Variants in EPC1 observed in about 807,000 individuals in gnomAD.
The protein encoded by EPC1 is enhancer of polycomb 1, also known as enhancer of polycomb homolog 1.
EPC1 carries 12 observed loss-of-function variants against 98.4 expected under a neutral mutation model. The observed-to-expected ratio is 0.12, with a 90% CI of 0.08 to 0.20. The LOEUF (loss-of-function observed/expected upper bound fraction) is 0.20, where lower values mean the gene tolerates loss of function less well. Among genes scored for constraint, EPC1 ranks in the 10% least tolerant of loss-of-function variants. The pLI is 1.00. For synonymous variants in EPC1, 357 were observed against 363.9 expected (o/e 0.98, Z 0.21); for missense variants, 729 against 990.5 (o/e 0.74, Z 3.54).
intron 1 of EPC1, among the ~76,000 whole-genome samples, chr10:32,327,984 A>C (rs921683881): frequency 4.4e-4 from 67 of 152,344 alleles, no homozygotes; most frequent in African/African-American, 1.5e-3. Context: ...TATTGCAAGA[A>C]AGAAACAAAT....
chr10:32,347,243 C>G, upstream of EPC1: 8 of 1,190,620 alleles, frequency 6.7e-6, no homozygotes, highest in Non-Finnish European at 8.4e-6. Flanking sequence ...AGCGCGGGCT[C>G]GAGGCCGGCG....
At chr10:32,373,565 T>C (rs1371395628) in intron 1 of EPC1, among the ~76,000 whole-genome samples, 1 of 152,232 alleles carries the variant, frequency 6.6e-6, no homozygotes, top group Non-Finnish European at 1.5e-5. Flanking sequence ...CTGGTTTAGG[T>C]ATAAGCACGT....
At chr10:32,290,984 T>G (rs1639744218) in intron 6 of EPC1, among the ~76,000 whole-genome samples, 179 bp downstream of exon 6, 1 of 151,836 alleles carries the variant, frequency 6.6e-6, no homozygotes, top group Non-Finnish European at 1.5e-5. Context: ...ACCATGTTGG[T>G]CAGGCTGGTC....
rs1171484978 is a variant in EPC1, at chr10:32,271,582, A to G, written c.2341T>C (p.Ser781Pro). ...GGAACTGAATCTACAGAGGATGAAG[A>G]TGGGACCTTGGAAACTTGACAGTTT... is the stretch of plus-strand genomic sequence containing the variant. The part of the protein sequence containing the change: ...AANCQVSKVP[S>P]SSSVDSVPRE... Residue 781 changes from serine to proline, a missense_variant, in exon 13 of 14, where the codon TCT (serine) becomes CCT (proline). Ser to Pro is a moderately conservative substitution (Grantham distance 74). This residue lies in a region of EPC1 where 156 missense variants were observed against 188.9 expected (regional missense o/e 0.83). Coordinates refer to ENST00000319778, the MANE Select transcript of EPC1 (RefSeq NM_001272004.3). The G allele has an allele frequency of 1.2e-6, 2 of 1,614,062 alleles. No homozygotes were observed. The highest frequency in any genetic ancestry group is 1.3e-5 in the African/African-American group (1 of 74,940).
At chr10:32,319,890 G>A (rs1193731815) in intron 1 of EPC1, among the ~76,000 whole-genome samples, 1 of 152,072 alleles carries the variant, frequency 6.6e-6, no homozygotes, top group Admixed American at 6.6e-5. Flanking sequence ...TTTTGGCCAG[G>A]CTGGTCTCGA....
intron 1 of EPC1, among the ~76,000 whole-genome samples, chr10:32,369,184 T>G (rs531354646): frequency 6.6e-6 from 1 of 152,112 alleles, no homozygotes; most frequent in African/African-American, 2.4e-5. Flanking sequence ...TCTGGAAGAG[T>G]TGATTGTTCT....
chr10:32,288,997 G>C (rs1228229882), intron 6 of EPC1, among the ~76,000 whole-genome samples: 1 of 152,094 alleles, frequency 6.6e-6, no homozygotes, highest in African/African-American at 2.4e-5. Flanking sequence ...GCTGAGGCAG[G>C]AGAATCGCTT....
chr10:32,345,884 TGA>T (rs1838745724), intron 1 of EPC1, among the ~76,000 whole-genome samples: 2 of 152,170 alleles, frequency 1.3e-5, no homozygotes, highest in Admixed American at 6.5e-5. Flanking sequence ...CCCCCTATGT[TGA>T]GATACCAGAG....
At chr10:32,327,937 A>G (rs1015161001) in intron 1 of EPC1, among the ~76,000 whole-genome samples, 1 of 152,238 alleles carries the variant, frequency 6.6e-6, no homozygotes, top group Non-Finnish European at 1.5e-5. Context: ...AAACCCTAAC[A>G]TTAAAATGGT....
In EPC1 at chr10:32,312,844, AG is replaced by A. The variant is rs1836326616; in HGVS notation, c.154-6914del. The stretch of plus-strand genomic sequence containing the variant: ...AGTGGGATTTTTTTTTGCTTTCAGT[AG>A]GAAGAAGATGCAAAATGGTAAAGAC... On this transcript the variant is annotated intron_variant, in intron 1 of 13. Coordinates refer to ENST00000319778, the MANE Select transcript of EPC1 (RefSeq NM_001272004.3). 2.6e-5 allele frequency among the ~76,000 whole-genome samples: 4 copies of A among 152,186 alleles called. 1 individual carries two copies. The South Asian group carries it at 8.3e-4, about 31-fold the overall frequency.
chr10:32,286,046 T>C (rs1167493676), intron 9 of EPC1: 2 of 152,222 alleles, frequency 1.3e-5, no homozygotes, highest in African/African-American at 2.4e-5. Context: ...ATCATAAATA[T>C]ACGCTTGGGT....
At position 32,344,843 on chromosome 10, in the gene EPC1, A is replaced by AT. The variant is rs201689095; in HGVS notation, c.153+1919dup. Among the ~76,000 whole-genome samples the AT allele has an allele frequency of 6.8e-3, 1,031 of 152,300 alleles. 15 individuals are homozygous for AT. Among genetic ancestry groups the AT allele is most frequent in the African/African-American group, 0.022 (909 of 41,568 alleles). ...TCAGCGAATAAAAATTACCCGTAAA[A>AT]TTTAACAAGCACTGATACTTCATTG... is the stretch of plus-strand genomic sequence containing the variant. On this transcript the variant is annotated intron_variant, in intron 1 of 13. Coordinates refer to ENST00000319778, the MANE Select transcript of EPC1 (RefSeq NM_001272004.3).
intron 1 of EPC1, among the ~76,000 whole-genome samples, chr10:32,364,913 T>C (rs1839555041): frequency 6.6e-6 from 1 of 151,104 alleles, no homozygotes; most frequent in Non-Finnish European, 1.5e-5. Flanking sequence ...CATGATTTTT[T>C]TTTTTTTTTT....
chr10:32,351,007 C>G (rs532350902), upstream of EPC1, among the ~76,000 whole-genome samples: 91 of 152,180 alleles, frequency 6.0e-4, no homozygotes, highest in African/African-American at 2.0e-3. Flanking sequence ...CCTTTATTTA[C>G]TCATTCCCTC....
Position 32,271,663 on chromosome 10 carries a change from T to C in EPC1, c.2260A>G (p.Ile754Val), listed in dbSNP as rs769582433. ...GGAACAGCACTTAAAGTCCTAGGTA[T>C]ATGTCGTGCATTTATTGGGGCAATA... ...NSIAPINARH[I>V]PRTLSAVPSS... The change falls in exon 13 of 14, where the codon ATA (isoleucine) becomes GTA (valine). Residue 754 changes from isoleucine (I) to valine (V), a missense_variant. Ile to Val is a conservative substitution (Grantham distance 29). Around this residue, in one of 6 missense-constraint regions of EPC1, gnomAD observed 156 missense variants for 188.9 expected, o/e 0.83. Coordinates refer to ENST00000319778, the MANE Select transcript of EPC1 (RefSeq NM_001272004.3). 6.2e-7 allele frequency: 1 copy of C among 1,614,216 alleles called. No individual in the cohort carries two copies. Among genetic ancestry groups the C allele is most frequent in the East Asian group, 2.2e-5 (1 of 44,874 alleles).
intron 1 of EPC1, among the ~76,000 whole-genome samples, chr10:32,334,226 GT>G: frequency 6.6e-6 from 1 of 152,274 alleles, no homozygotes; most frequent in East Asian, 1.9e-4. Flanking sequence ...TGATAGGAAT[GT>G]TTTATAGAGG....
At chr10:32,303,516 A>C (rs1432553420) in intron 2 of EPC1, among the ~76,000 whole-genome samples, 2 of 152,236 alleles carry the variant, frequency 1.3e-5, no homozygotes. Flanking sequence ...CAACTGAATG[A>C]ACCTGTGATA....
rs61315841 is a variant in EPC1, at chr10:32,286,895, T to C, written c.1242+31A>G. 9,767 of 1,609,718 alleles carry C rather than the reference T, an allele frequency of 6.1e-3. 514 individuals are homozygous for C. In the African/African-American group the frequency reaches 0.11, roughly 19 times the overall value. On this transcript the variant is annotated intron_variant, in intron 8 of 13. Transcript: ENST00000319778. ...ATTTTGTCAGTTAAAGGTAAATAGTTTGTTATTTACAAAGACACTCTGAAA... is the reference window on the plus strand; with the variant it reads ...ATTTTGTCAGTTAAAGGTAAATAGTCTGTTATTTACAAAGACACTCTGAAA...
chr10:32,294,903 T>G (rs1004431919), intron 2 of EPC1, among the ~76,000 whole-genome samples: 1 of 152,126 alleles, frequency 6.6e-6, no homozygotes, highest in African/African-American at 2.4e-5. Flanking sequence ...TTTCATGCAG[T>G]ATGCTATTTC....
Sources: gnomAD v4.1 joint callset for allele counts (sites outside exome capture counted in the v4.1 genomes callset) on GRCh38, gnomAD v4.1.1 for gene constraint, gnomAD v4.1.1 regional missense constraint, MANE v1.5 for transcripts, NCBI Gene and HGNC (gene_info 2026-07-23, HGNC 2026-07-21) for gene names.